RBFOX1: variants seen among roughly 807,000 people sequenced by gnomAD.
The protein encoded by RBFOX1 is RNA binding fox-1 homolog 1.
RBFOX1 carries 8 observed loss-of-function variants against 57.7 expected under a neutral mutation model. The observed-to-expected ratio is 0.14, with a 90% confidence interval of 0.08 to 0.25. RBFOX1 has a LOEUF of 0.25. Ranked by LOEUF, RBFOX1 falls within the 10% of genes least tolerant of loss-of-function variation. The pLI, the probability that RBFOX1 is intolerant of heterozygous loss-of-function variation, is 1.00. For synonymous variants in RBFOX1, 326 were observed against 222.4 expected, an observed-to-expected ratio of 1.47 and a Z score of -4.15; for missense variants, 611 against 548.5, an observed-to-expected ratio of 1.11 and a Z score of -1.14.
chr16:5,831,621 C>G (rs555750948), intron 3 of RBFOX1, among the ~76,000 whole-genome samples: 2 of 152,004 alleles, frequency 1.3e-5, no homozygotes, highest in East Asian at 3.9e-4. Flanking sequence ...TCCTGAGTAG[C>G]TGGGGTTACA....
intron 2 of RBFOX1, among the ~76,000 whole-genome samples, chr16:6,380,542 G>C (rs1374858954): frequency 6.6e-6 from 1 of 150,698 alleles, no homozygotes; most frequent in Non-Finnish European, 1.5e-5. Context: ...TGAAGTTCTG[G>C]GGGGAAAATA....
At chr16:6,703,337 G>T (rs1457436667) in intron 3 of RBFOX1, among the ~76,000 whole-genome samples, 2 of 152,088 alleles carry the variant, frequency 1.3e-5, no homozygotes, top group East Asian at 3.9e-4. Flanking sequence ...ACTTAGGGAG[G>T]CTGAGGCAGG....
chr16:7,326,262 C>G (rs972387957), intron 4 of RBFOX1, among the ~76,000 whole-genome samples: 1 of 152,174 alleles, frequency 6.6e-6, no homozygotes, highest in African/African-American at 2.4e-5. Context: ...TAGGCCTTTA[C>G]CATCCCAGGG....
At chr16:7,006,714 C>G (rs2093323626) in intron 3 of RBFOX1, among the ~76,000 whole-genome samples, 1 of 152,122 alleles carries the variant, frequency 6.6e-6, no homozygotes, top group African/African-American at 2.4e-5. Context: ...TCCCAATGTG[C>G]TGGGATTACG....
intron 3 of RBFOX1, among the ~76,000 whole-genome samples, chr16:5,712,502 G>C (rs1039089219): frequency 2.0e-5 from 3 of 152,214 alleles, no homozygotes; most frequent in Non-Finnish European, 2.9e-5. Flanking sequence ...CAAGAGCAGA[G>C]GGAAGAGTAT....
intron 2 of RBFOX1, among the ~76,000 whole-genome samples, chr16:6,433,772 C>T (rs1440459260): frequency 6.6e-6 from 1 of 151,842 alleles, no homozygotes; most frequent in Admixed American, 6.6e-5. Flanking sequence ...CTCCACCCTT[C>T]AAAGCACATC....
intron 2 of RBFOX1, among the ~76,000 whole-genome samples, chr16:5,592,341 A>T (rs1485641574): frequency 1.3e-5 from 2 of 151,854 alleles, no homozygotes. Context: ...CAGAATTTTA[A>T]ATCTTTTGTT....
chr16:6,716,109 G>C (rs1440975295), intron 3 of RBFOX1, among the ~76,000 whole-genome samples: 1 of 152,176 alleles, frequency 6.6e-6, no homozygotes. Flanking sequence ...AATTAGATTG[G>C]CCTGAGGCAA....
chr16:7,391,090 A>G (rs1297526348), intron 4 of RBFOX1, among the ~76,000 whole-genome samples: 2 of 152,224 alleles, frequency 1.3e-5, no homozygotes, highest in Admixed American at 6.5e-5. Flanking sequence ...CATAGCTCTT[A>G]TCCTTAACTG....
At chr16:6,589,360 T>C (rs550994563) in intron 2 of RBFOX1, among the ~76,000 whole-genome samples, 6 of 152,130 alleles carry the variant, frequency 3.9e-5, no homozygotes, top group Admixed American at 3.3e-4. Context: ...CTCAAATTAG[T>C]CTCCCTGAAA....
chr16:6,082,217 G>A (rs67880153), intron 1 of RBFOX1, among the ~76,000 whole-genome samples: 16,598 of 121,150 alleles, frequency 0.14, 1,729 homozygotes, highest in East Asian at 0.39. Context: ...TCCTTACTCT[G>A]TCACCCAGGC....
chr16:5,500,458 G>A (rs554907266), intron 2 of RBFOX1, among the ~76,000 whole-genome samples: 13 of 152,200 alleles, frequency 8.5e-5, no homozygotes, highest in Non-Finnish European at 1.5e-4. Flanking sequence ...CTGGACTCAC[G>A]CAATCGTCCC....
intron 1 of RBFOX1, among the ~76,000 whole-genome samples, chr16:6,061,240 G>C (rs1422831733): frequency 2.6e-5 from 4 of 152,160 alleles, no homozygotes; most frequent in African/African-American, 7.2e-5. Context: ...AATAGATCTA[G>C]AAAGTAGTGT....
At position 6,364,548 on chromosome 16, in the gene RBFOX1, C is replaced by T. The variant is rs539256606; in HGVS notation, c.-64+47491C>T. On this transcript the variant is annotated intron_variant, in intron 2 of 15. Transcript: ENST00000550418. ...AGCTGGCCATTTTTCCCCAGCGGTG[C>T]ATGTGAACACATGTGCGTGTGTGCA... Among the ~76,000 whole-genome samples, 5 of 152,292 alleles carry T rather than the reference C, an allele frequency of 3.3e-5. 1 individual carries two copies. In the South Asian group the frequency reaches 1.0e-3, roughly 32 times the overall value.
At chr16:6,257,456 G>A (rs958538083) in intron 1 of RBFOX1, among the ~76,000 whole-genome samples, 95 of 151,788 alleles carry the variant, frequency 6.3e-4, no homozygotes, top group Non-Finnish European at 5.9e-5. Flanking sequence ...AGGGGCACAC[G>A]TGCAGGTTTG....
At chr16:7,167,821 C>A (rs1382273092) in intron 4 of RBFOX1, among the ~76,000 whole-genome samples, 2 of 151,798 alleles carry the variant, frequency 1.3e-5, no homozygotes, top group African/African-American at 2.4e-5. Context: ...GCGACAAAAA[C>A]CATCTGGCCT....
intron 3 of RBFOX1, among the ~76,000 whole-genome samples, chr16:5,682,003 T>C (rs1331719278): frequency 1.3e-5 from 2 of 152,104 alleles, no homozygotes; most frequent in Non-Finnish European, 2.9e-5. Flanking sequence ...AAATGCGTAA[T>C]ATATATATGA....
chr16:6,523,483 T>G (rs890518621), intron 2 of RBFOX1, among the ~76,000 whole-genome samples: 1 of 152,160 alleles, frequency 6.6e-6, no homozygotes, highest in Non-Finnish European at 1.5e-5. Flanking sequence ...AGCTCCAGTC[T>G]TTCAGTGGGG....
chr16:6,101,437 G>A (rs1472990907), intron 1 of RBFOX1, among the ~76,000 whole-genome samples: 2 of 152,064 alleles, frequency 1.3e-5, no homozygotes, highest in African/African-American at 4.8e-5. Flanking sequence ...AAATTTATTT[G>A]GGTGTGATGG....
Sources: gnomAD v4.1 joint callset for allele counts (sites outside exome capture counted in the v4.1 genomes callset) on GRCh38, gnomAD v4.1.1 for gene constraint, MANE v1.5 for transcripts, NCBI Gene and HGNC (gene_info 2026-07-23, HGNC 2026-07-21) for gene names.